Variants in SARM1 observed in about 807,000 individuals in gnomAD.
The protein encoded by SARM1 is NAD(+) hydrolase SARM1.
SARM1 carries 60 observed loss-of-function variants against 65.1 expected under a neutral mutation model. The observed-to-expected ratio is 0.92, with a 90% CI of 0.75 to 1.14. The LOEUF is 1.14. Among genes scored for constraint, SARM1 ranks in the 50% most tolerant of loss-of-function variants. The pLI is 0.00. For synonymous variants in SARM1, 417 were observed against 465.4 expected (o/e 0.90, Z 1.34); for missense variants, 913 against 1,015.7 (o/e 0.90, Z 1.37).
rs1415779571 is a variant in SARM1, at chr17:28,381,370, A to G, written c.638A>G (p.Tyr213Cys). The change falls in exon 2 of 9, where the codon TAT becomes TGT. Residue 213 changes from tyrosine to cysteine, a missense_variant. Transcript: ENST00000585482. ...VAAGGLDAVL[Y>C]WCRRTDPALL... ...GCCGGCGGCCTGGACGCGGTGCTGT[A>G]TTGGTGCCGCCGCACGGACCCCGCG... 1.9e-6 allele frequency: 3 copies of G among 1,570,308 alleles called. No homozygotes were observed. The highest frequency in any genetic ancestry group is 1.4e-5 in the African/African-American group (1 of 74,072).
Position 28,395,938 on chromosome 17 carries a change from A to G in SARM1, c.1957A>G (p.Ile653Val). ...IVTALSCGKNIVPIIDGFEWP... is the reference protein window; with the variant it reads ...IVTALSCGKNVVPIIDGFEWP... ...GACTGCTTTAAGCTGCGGCAAGAAC[A>G]TTGTGCCCATCATTGATGGCTTCGA... Residue 653 changes from isoleucine to valine, a missense_variant, in exon 8 of 9, where the codon ATT becomes GTT. By Grantham distance (29) the Ile-to-Val change is conservative. Transcript: ENST00000585482. The G allele has an allele frequency of 2.5e-6, 4 of 1,613,886 alleles. No homozygotes were observed. The South Asian group carries it at 4.4e-5, about 18-fold the overall frequency.
chr17:28,393,331 T>C (rs1555587174), intron 7 of SARM1, among the ~76,000 whole-genome samples: 2 of 152,114 alleles, frequency 1.3e-5, no homozygotes, highest in Non-Finnish European at 2.9e-5. Context: ...GGAGGATCAC[T>C]TGAGGCCAGG....
Position 28,381,676 on chromosome 17 carries a change from C to T in SARM1, c.944C>T (p.Ala315Val). ...CGCTTCGCCCGCTGTCTGGTGGACGCCAGCGACACAAGCCAGGGCCGCGGG... is the reference window on the plus strand; with the variant it reads ...CGCTTCGCCCGCTGTCTGGTGGACGTCAGCGACACAAGCCAGGGCCGCGGG... ...PGRFARCLVD[A>V]SDTSQGRGPD... is the part of the protein sequence containing the mutation. The change falls in exon 2 of 9, where the codon GCC (alanine) becomes GTC (valine). Residue 315 changes from alanine (A) to valine (V), a missense_variant. By Grantham distance (64) the Ala-to-Val change is moderately conservative. Around this residue, in one of 3 missense-constraint regions of SARM1, gnomAD observed 862 missense variants for 952.1 expected, o/e 0.91. Transcript: ENST00000585482. 1 of 1,559,572 alleles carries T rather than the reference C, an allele frequency of 6.4e-7. No individual in the cohort carries two copies. The highest frequency in any genetic ancestry group is 1.2e-5 in the South Asian group (1 of 84,704).
intron 1 of SARM1, among the ~76,000 whole-genome samples, chr17:28,379,109 T>A (rs1156544568): frequency 6.6e-6 from 1 of 152,168 alleles, no homozygotes; most frequent in Admixed American, 6.6e-5. Context: ...AGCTTCTGAT[T>A]TTGCCCATCT....
At position 28,388,489 on chromosome 17, in the gene SARM1, G is replaced by T. The variant is rs1555586428; in HGVS notation, c.1873G>T (p.Ala625Ser). 1 of 1,613,956 alleles carries T rather than the reference G, an allele frequency of 6.2e-7. No homozygotes were observed. Among genetic ancestry groups the T allele is most frequent in the South Asian group, 1.1e-5 (1 of 91,082 alleles). ...CTTTGTGTTGGTGCTATCACCTGGA[G>T]CACTGGACAAGTGCATGCAAGACCA... ...RNFVLVLSPGALDKCMQDHDC... is the reference protein window; with the variant it reads ...RNFVLVLSPGSLDKCMQDHDC... The change falls in exon 7 of 9, where the codon GCA becomes TCA. Residue 625 changes from alanine to serine, a missense_variant. Ala to Ser is a moderately conservative substitution (Grantham distance 99). This residue lies in a region of SARM1 where 862 missense variants were observed against 952.1 expected (regional missense o/e 0.91). Coordinates refer to ENST00000585482, the MANE Select transcript of SARM1 (RefSeq NM_015077.4).
In SARM1 at chr17:28,384,597, C is replaced by T. The variant is rs782364975; in HGVS notation, c.1302+28C>T. ...AGAGTCGCGTGGGATACGCCTCCCC[C>T]GAGTCAGAGCGGGCGCCCTGTGCAC... is the stretch of plus-strand genomic sequence containing the variant. On this transcript the variant is annotated intron_variant, in intron 3 of 8. Transcript: ENST00000585482. This position sits in a 1 kb window ranked among gnomAD's most constrained non-coding sequence, Gnocchi z 4.4. The T allele has an allele frequency of 6.5e-7, 1 of 1,545,658 alleles. No homozygotes were observed. Among genetic ancestry groups the T allele is most frequent in the East Asian group, 2.4e-5 (1 of 42,016 alleles).
intron 1 of SARM1, chr17:28,374,259 G>A (rs2067976148): frequency 7.1e-6 from 1 of 140,956 alleles, no homozygotes; most frequent in East Asian, 2.0e-4. Context: ...CCCCACGCTG[G>A]ATGACAGAGC....
chr17:28,379,299 C>CTT lies in SARM1; in HGVS notation c.471-1876_471-1875dup, dbSNP rs1193480505. ...AAAGGGTAATTTTCTCCATTTAGAT[C>CTT]TTTTTTTTTTTTTTTTTTTTTTTTT... is the stretch of plus-strand genomic sequence containing the variant. On this transcript the variant is annotated intron_variant, in intron 1 of 8. Coordinates refer to ENST00000585482, the MANE Select transcript of SARM1 (RefSeq NM_015077.4). Among the ~76,000 whole-genome samples the CTT allele has an allele frequency of 7.2e-3, 563 of 78,396 alleles. 95 individuals are homozygous for CTT. The highest frequency in any genetic ancestry group is 0.023 in the African/African-American group (418 of 18,170). The allele number at this position is 78,396 out of a possible 152,430, so 51.4% of individuals were successfully genotyped here. A position where few individuals can be genotyped will look rare whatever the true frequency, so the allele number is the denominator to read the frequency against.
chr17:28,371,732 T>G lies in SARM1; in HGVS notation c.-301T>G. 3.5e-6 allele frequency: 1 copy of G among 287,178 alleles called. No individual in the cohort carries two copies. Among genetic ancestry groups the G allele is most frequent in the Non-Finnish European group, 6.5e-6 (1 of 154,136 alleles). 17.8% of individuals were successfully genotyped at this position (287,178 alleles called of 1,614,324 possible). A position where few individuals can be genotyped will look rare whatever the true frequency, so the allele number is the denominator to read the frequency against. On this transcript the variant is annotated 5_prime_UTR_variant, in exon 1 of 9. Transcript: ENST00000585482. Reference sequence around the variant, plus strand: ...GCCGAGCCCGTGCCCAGGCCACGCTTTGTTCCAGCCGCCGCCTCCTCTACC... The same window carrying G: ...GCCGAGCCCGTGCCCAGGCCACGCTGTGTTCCAGCCGCCGCCTCCTCTACC...
Position 28,396,042 on chromosome 17 carries a change from C to G in SARM1, c.2045+16C>G, listed in dbSNP as rs782609914. 5.6e-6 allele frequency: 9 copies of G among 1,613,862 alleles called. No individual in the cohort carries two copies. Among genetic ancestry groups the G allele is most frequent in the Non-Finnish European group, 7.6e-6 (9 of 1,179,820 alleles). ...ACGGTATCAAGTGAGCCCCAGGGCC[C>G]TGGGACCAGGGGGGTAGGGTACAAA... On this transcript the variant is annotated intron_variant, in intron 8 of 8. Coordinates refer to ENST00000585482, the MANE Select transcript of SARM1 (RefSeq NM_015077.4).
intron 1 of SARM1, among the ~76,000 whole-genome samples, chr17:28,374,484 C>T (rs577464447): frequency 3.5e-4 from 53 of 152,058 alleles, no homozygotes; most frequent in Non-Finnish European, 4.3e-4. Context: ...CTGCAGTGAG[C>T]TGAGAGCGCG....
chr17:28,386,679 C>T (rs972813291), intron 5 of SARM1: 1 of 152,216 alleles, frequency 6.6e-6, no homozygotes, highest in African/African-American at 2.4e-5. Context: ...TCAACCAAAG[C>T]AGGTTGGCTT....
At chr17:28,395,595 A>C in intron 7 of SARM1, 1 of 285,424 alleles carries the variant, frequency 3.5e-6, no homozygotes. Flanking sequence ...CTCTTCCTGA[A>C]ACTATCTAGG....
chr17:28,402,041 G>T lies in SARM1; in HGVS notation c.*5755G>T. The T allele has an allele frequency of 1.9e-6, 1 of 527,958 alleles. No homozygotes were observed. The highest frequency in any genetic ancestry group is 2.7e-5 in the South Asian group (1 of 36,484). 32.7% of individuals were successfully genotyped at this position (527,958 alleles called of 1,614,324 possible). A position where few individuals can be genotyped will look rare whatever the true frequency, so the allele number is the denominator to read the frequency against. On this transcript the variant is annotated 3_prime_UTR_variant, in exon 9 of 9. Coordinates refer to ENST00000585482, the MANE Select transcript of SARM1 (RefSeq NM_015077.4). ...TCTGCTGACTGCAAATCCCAACTCT[G>T]CGGTTTGAAAATCCAAGGTGGCATG...
chr17:28,395,846 G>A, intron 7 of SARM1, 59 bp from the exon 8 acceptor site: 2 of 1,602,046 alleles, frequency 1.2e-6, no homozygotes, highest in Admixed American at 3.3e-5. Flanking sequence ...CACCTGCCTG[G>A]CTACAAGGGT....
At position 28,384,810 on chromosome 17, in the gene SARM1, C is replaced by T; in HGVS notation, c.1303-29C>T. 6.5e-7 allele frequency: 1 copy of T among 1,544,134 alleles called. No homozygotes were observed. Among genetic ancestry groups the T allele is most frequent in the South Asian group, 1.2e-5 (1 of 83,902 alleles). On this transcript the variant is annotated intron_variant, in intron 3 of 8. Coordinates refer to ENST00000585482, the MANE Select transcript of SARM1 (RefSeq NM_015077.4). The surrounding 1 kb of genome is among the most constrained non-coding windows in gnomAD (Gnocchi z 4.4). ...GAGGTCCAAGGGCGGAGTAGCGAAG[C>T]CCTTCCTGACACCCGACTCCTCCCC...
chr17:28,381,347 C>T lies in SARM1; in HGVS notation c.615C>T (p.Ala205=), dbSNP rs782735222. The change falls in exon 2 of 9, where the codon GCC becomes GCT. Residue 205 remains alanine (A), a synonymous_variant. Transcript: ENST00000585482. ...SEETCQRLVA[A]GGLDAVLYWC... is the part of the protein sequence containing the mutation. ...AGACATGCCAGAGGCTGGTGGCGGC[C>T]GGCGGCCTGGACGCGGTGCTGTATT... 1.3e-6 allele frequency: 2 copies of T among 1,584,834 alleles called. No individual in the cohort carries two copies. Among genetic ancestry groups the T allele is most frequent in the South Asian group, 2.3e-5 (2 of 86,908 alleles).
intron 1 of SARM1, among the ~76,000 whole-genome samples, chr17:28,375,186 G>A (rs1299009893): frequency 6.6e-5 from 10 of 152,154 alleles, no homozygotes; most frequent in Admixed American, 3.3e-4. Flanking sequence ...ATGACTGCTA[G>A]CCCTCTATAT....
In SARM1 at chr17:28,385,657, G is replaced by T. The variant is rs1555585945; in HGVS notation, c.1630+382G>T. Among the ~76,000 whole-genome samples, 1 of 152,044 alleles carries T rather than the reference G, an allele frequency of 6.6e-6. No individual in the cohort carries two copies. The highest frequency in any genetic ancestry group is 1.5e-5 in the Non-Finnish European group (1 of 68,016). On this transcript the variant is annotated intron_variant, in intron 5 of 8. Transcript: ENST00000585482. This position sits in a 1 kb window ranked among gnomAD's most constrained non-coding sequence, Gnocchi z 4.5. ...TGGCGGGGAGGGGTGGCAACAGGAA[G>T]GGCAGCCCAGGCAGAGGCAGCGGCC... is the stretch of plus-strand genomic sequence containing the variant.
Sources: gnomAD v4.1 joint callset for allele counts (sites outside exome capture counted in the v4.1 genomes callset) on GRCh38, gnomAD v4.1.1 for gene constraint, gnomAD v4.1.1 regional missense constraint, Gnocchi (gnomAD v3.1) non-coding constraint, MANE v1.5 for transcripts, NCBI Gene and HGNC (gene_info 2026-07-23, HGNC 2026-07-21) for gene names.